SEH1L: variants seen among roughly 807,000 people sequenced by gnomAD.
SEH1L encodes SEH1 like nucleoporin.
In SEH1L, 18 loss-of-function variants were observed where a neutral mutation model predicts 49.5. The ratio of observed to expected loss-of-function variants is 0.36; its 90% CI spans 0.25 to 0.54. The LOEUF is 0.54. Ranked by LOEUF, SEH1L falls within the 20% of genes least tolerant of loss-of-function variation. The pLI, the probability that SEH1L is intolerant of heterozygous loss-of-function variation, is 0.87. For synonymous variants in SEH1L, 169 were observed against 178.1 expected (o/e 0.95, Z 0.41); for missense variants, 404 against 528.8 (o/e 0.76, Z 2.31).
intron 3 of SEH1L, among the ~76,000 whole-genome samples, chr18:12,959,388 C>T (rs2031061875): frequency 6.6e-6 from 1 of 152,158 alleles, no homozygotes; most frequent in African/African-American, 2.4e-5. Context: ...AATAGAGTTG[C>T]CCAGGCTGGT....
At chr18:12,978,975 C>G in intron 6 of SEH1L, 83 bp downstream of exon 6, 1 of 1,293,050 alleles carries the variant, frequency 7.7e-7, no homozygotes, top group South Asian at 1.4e-5. Context: ...GTAGAGGTAA[C>G]TATGATTTGG....
At chr18:12,981,668 A>G (rs915773769) in intron 6 of SEH1L, among the ~76,000 whole-genome samples, 1 of 152,204 alleles carries the variant, frequency 6.6e-6, no homozygotes, top group Non-Finnish European at 1.5e-5. Context: ...GCTGAAACTA[A>G]CAATTCTCCA....
chr18:12,980,980 C>T (rs2032221906), intron 6 of SEH1L, among the ~76,000 whole-genome samples: 1 of 151,014 alleles, frequency 6.6e-6, no homozygotes, highest in South Asian at 2.1e-4. Context: ...CCTCACTTCC[C>T]AGACGGGGTG....
At chr18:12,949,442 G>GT (rs71174155) in intron 1 of SEH1L, among the ~76,000 whole-genome samples, 11,282 of 51,362 alleles carry the variant, frequency 0.22, 5,111 homozygotes, top group Non-Finnish European at 0.32. Context: ...TACGTTAACC[G>GT]TTTTTTTTTT....
chr18:12,971,327 A>G (rs1384133158), intron 5 of SEH1L, 76 bp downstream of exon 5: 3 of 977,436 alleles, frequency 3.1e-6, no homozygotes, highest in Non-Finnish European at 4.8e-6. Context: ...TTATTCATTT[A>G]CAGAATTATG....
Position 12,986,964 on chromosome 18 carries a change from C to A in SEH1L, c.1173C>A (p.Cys391Ter), listed in dbSNP as rs766968508. 1.2e-6 allele frequency: 2 copies of A among 1,613,900 alleles called. No homozygotes were observed. Among genetic ancestry groups the A allele is most frequent in the Non-Finnish European group, 1.7e-6 (2 of 1,179,878 alleles). ...CTCCTCCTCTGGTAGAGCACTCTTG[C>A]GATGCTGACACTGCCAACCTCCAGT... is the stretch of plus-strand genomic sequence containing the variant. Reference protein sequence around the residue: ...PPPPPLVEHSCDADTANLQYP... With the variant: ...PPPPPLVEHS The change falls in exon 9 of 9, where the codon TGC becomes TGA. Residue 391 changes from cysteine to a stop codon, truncating the protein, a stop_gained. Transcript: ENST00000399892. LOFTEE classifies it high-confidence loss of function.
chr18:12,952,007 T>C, intron 2 of SEH1L, 102 bp downstream of exon 2: 2 of 606,848 alleles, frequency 3.3e-6, no homozygotes. Context: ...TATACAGTAG[T>C]TCTTTTCCTG....
chr18:12,986,569 G>A (rs2032465648), intron 8 of SEH1L: 2 of 969,972 alleles, frequency 2.1e-6, no homozygotes, highest in African/African-American at 1.7e-5. Context: ...TAAAATTAAT[G>A]TTTTTCTTTG....
chr18:12,979,285 G>A (rs1335541687), intron 6 of SEH1L, among the ~76,000 whole-genome samples: 3 of 149,938 alleles, frequency 2.0e-5, no homozygotes, highest in Admixed American at 6.6e-5. Flanking sequence ...CGAGCATGCT[G>A]CCTTCAAGCA....
At chr18:12,974,681 A>G (rs2145648378) in intron 5 of SEH1L, 1 of 152,380 alleles carries the variant, frequency 6.6e-6, no homozygotes, top group East Asian at 1.9e-4. Context: ...TGAAAATACT[A>G]AAACAGATCT....
In SEH1L at chr18:12,982,740, G is replaced by A. The variant is rs928659709; in HGVS notation, c.919+65G>A. ...CTGCTCTGCAATTTTTACTTAAAAT[G>A]TAAACTCTGAAATATTTTTTGAAAA... On this transcript the variant is annotated intron_variant, in intron 7 of 8. Coordinates refer to ENST00000399892, the MANE Select transcript of SEH1L (RefSeq NM_001013437.2). 6 of 1,244,406 alleles carry A rather than the reference G, an allele frequency of 4.8e-6. No individual in the cohort carries two copies. In the African/African-American group the frequency reaches 6.1e-5, roughly 13 times the overall value. 77.1% of individuals were successfully genotyped at this position (1,244,406 alleles called of 1,614,324 possible).
chr18:12,979,323 A>G (rs541059564), intron 6 of SEH1L, among the ~76,000 whole-genome samples: 33 of 150,068 alleles, frequency 2.2e-4, no homozygotes, highest in South Asian at 1.1e-3. Flanking sequence ...ATCTTGCACC[A>G]CCCTTAATCC....
intron 1 of SEH1L, among the ~76,000 whole-genome samples, chr18:12,949,610 G>A (rs377456262): frequency 6.6e-5 from 10 of 151,392 alleles, no homozygotes; most frequent in African/African-American, 2.4e-4. Flanking sequence ...CCGCCACCAC[G>A]CCCGGCTAAT....
intron 4 of SEH1L, among the ~76,000 whole-genome samples, chr18:12,970,297 C>T (rs1374502246): frequency 6.6e-6 from 1 of 152,216 alleles, no homozygotes; most frequent in Non-Finnish European, 1.5e-5. Context: ...TTTCATTGCT[C>T]ATCTTTTGCC....
intron 6 of SEH1L, among the ~76,000 whole-genome samples, chr18:12,981,771 ATT>A (rs2032271962): frequency 6.7e-6 from 1 of 148,258 alleles, no homozygotes; most frequent in African/African-American, 2.5e-5. Flanking sequence ...TGAATAACAT[ATT>A]TAACTTTAAT....
chr18:12,963,451 T>G, intron 4 of SEH1L, 80 bp downstream of exon 4: 2 of 1,158,898 alleles, frequency 1.7e-6, no homozygotes, highest in Non-Finnish European at 2.6e-6. Context: ...TGATAATTTA[T>G]TCTCTCAAAG....
At chr18:12,979,436 A>G (rs9748873) in intron 6 of SEH1L, among the ~76,000 whole-genome samples, 99,095 of 142,546 alleles carry the variant, frequency 0.7, 35,556 homozygotes, top group African/African-American at 0.88. Flanking sequence ...TTCTTAGTAT[A>G]GAACAAAATG....
At chr18:12,948,513 G>T in intron 1 of SEH1L, 1 of 275,020 alleles carries the variant, frequency 3.6e-6, no homozygotes, top group Admixed American at 5.4e-5. Context: ...GCGCTGCCGG[G>T]GCTGCGGGCG....
At chr18:12,967,518 G>A (rs187037073) in intron 4 of SEH1L, among the ~76,000 whole-genome samples, 213 of 152,294 alleles carry the variant, frequency 1.4e-3, no homozygotes, top group African/African-American at 4.3e-3. Context: ...AAGGACATTC[G>A]TTTACCAATG....
Sources: gnomAD v4.1 joint callset for allele counts (sites outside exome capture counted in the v4.1 genomes callset) on GRCh38, gnomAD v4.1.1 for gene constraint, MANE v1.5 for transcripts, NCBI Gene and HGNC (gene_info 2026-07-23, HGNC 2026-07-21) for gene names.